Variants in GRK3 observed in about 807,000 individuals in gnomAD.
GRK3 encodes adrenergic, beta, receptor kinase 2.
A neutral mutation model predicts 95.7 loss-of-function variants in GRK3; 54 were observed. The observed-to-expected ratio is 0.56, with a 90% CI of 0.45 to 0.71. The LOEUF (loss-of-function observed/expected upper bound fraction) is 0.71, where lower values mean the gene tolerates loss of function less well. GRK3 is among the 30% of genes least tolerant of loss of function. The pLI is 0.00. For missense variants in GRK3, 649 were observed against 851.2 expected (o/e 0.76, Z 2.96); for synonymous variants, 281 against 290.8 (o/e 0.97, Z 0.34).
At chr22:25,682,219 G>A (rs754428628) in intron 9 of GRK3, among the ~76,000 whole-genome samples, 1 of 152,188 alleles carries the variant, frequency 6.6e-6, no homozygotes, top group African/African-American at 2.4e-5. Context: ...AGAGGTGACC[G>A]GATGTTTTAA....
chr22:25,681,488 G>C (rs1182451928), intron 9 of GRK3, among the ~76,000 whole-genome samples: 2 of 152,090 alleles, frequency 1.3e-5, no homozygotes, highest in Admixed American at 6.5e-5. Flanking sequence ...TGAGGGGCCA[G>C]GGTCTGCGGT....
intron 2 of GRK3, among the ~76,000 whole-genome samples, chr22:25,640,354 A>G (rs1377940365): frequency 6.6e-6 from 1 of 152,188 alleles, no homozygotes; most frequent in African/African-American, 2.4e-5. Flanking sequence ...ATTCCTTGTC[A>G]TAAATTATAT....
chr22:25,652,230 C>T (rs1465900423), intron 3 of GRK3, among the ~76,000 whole-genome samples: 4 of 152,040 alleles, frequency 2.6e-5, no homozygotes, highest in South Asian at 2.1e-4. Flanking sequence ...GTCAGGAGAC[C>T]GAGACCATCC....
chr22:25,701,496 G>A (rs1038172187), intron 13 of GRK3, among the ~76,000 whole-genome samples: 2 of 152,144 alleles, frequency 1.3e-5, no homozygotes, highest in Non-Finnish European at 2.9e-5. Context: ...ACATGGAATC[G>A]CTATATTTAT....
intron 9 of GRK3, among the ~76,000 whole-genome samples, chr22:25,681,431 G>A (rs573203551): frequency 6.6e-6 from 1 of 152,112 alleles, no homozygotes; most frequent in East Asian, 1.9e-4. Context: ...AGGAGCCAGT[G>A]CACGTGGCTC....
intron 1 of GRK3, among the ~76,000 whole-genome samples, chr22:25,577,875 A>G (rs1039070678): frequency 1.3e-5 from 2 of 152,232 alleles, no homozygotes; most frequent in Non-Finnish European, 2.9e-5. Flanking sequence ...ATATGGGCAT[A>G]GTCTACTCTA....
At chr22:25,645,711 A>T (rs957456093) in intron 3 of GRK3, among the ~76,000 whole-genome samples, 2 of 152,172 alleles carry the variant, frequency 1.3e-5, no homozygotes, top group Non-Finnish European at 2.9e-5. Flanking sequence ...TCACGAGGTC[A>T]GGAGATCGAG....
At chr22:25,649,549 C>T (rs1290045448) in intron 3 of GRK3, among the ~76,000 whole-genome samples, 3 of 152,118 alleles carry the variant, frequency 2.0e-5, no homozygotes, top group Non-Finnish European at 2.9e-5. Flanking sequence ...TTCTTTTCTT[C>T]CCCAAAGTCA....
At chr22:25,590,088 A>G (rs1932442656) in intron 1 of GRK3, among the ~76,000 whole-genome samples, 1 of 151,944 alleles carries the variant, frequency 6.6e-6, no homozygotes, top group Non-Finnish European at 1.5e-5. Context: ...TATCAAATAC[A>G]TAGCTAATTT....
intron 8 of GRK3, among the ~76,000 whole-genome samples, chr22:25,676,877 CTGTT>C (rs2085034283): frequency 6.6e-6 from 1 of 152,164 alleles, no homozygotes; most frequent in Non-Finnish European, 1.5e-5. Flanking sequence ...TCACTCATGT[CTGTT>C]CCTGTCACCA....
At chr22:25,632,139 G>C (rs2084668359) in intron 2 of GRK3, among the ~76,000 whole-genome samples, 1 of 152,180 alleles carries the variant, frequency 6.6e-6, no homozygotes, top group South Asian at 2.1e-4. Flanking sequence ...TTTCAAAGAG[G>C]CTTTACAAAT....
chr22:25,594,212 T>C (rs1352698077), intron 1 of GRK3, among the ~76,000 whole-genome samples: 1 of 152,232 alleles, frequency 6.6e-6, no homozygotes, highest in Non-Finnish European at 1.5e-5. Flanking sequence ...ATTTTTACAA[T>C]ATTGATTCTT....
chr22:25,687,487 G>C, intron 10 of GRK3, 50 bp from the exon 11 acceptor site: 1 of 1,596,910 alleles, frequency 6.3e-7, no homozygotes, highest in South Asian at 1.1e-5. Context: ...AATGATATTT[G>C]TTTCCTTTAA....
chr22:25,642,085 A>G (rs111645656), intron 2 of GRK3, among the ~76,000 whole-genome samples: 3,026 of 152,358 alleles, frequency 0.02, 47 homozygotes, highest in Non-Finnish European at 0.028. Flanking sequence ...AAAGATGAAC[A>G]AATCTACAAT....
chr22:25,620,007 TGTGTGTG>T (rs2084570856), intron 2 of GRK3, among the ~76,000 whole-genome samples: 1 of 34,538 alleles, frequency 2.9e-5, no homozygotes, highest in Non-Finnish European at 6.0e-5. Flanking sequence ...TTGTCTTTTT[TGTGTGTG>T]TGTGTGTGTG....
At chr22:25,569,516 GAGAC>G (rs1569147364) in intron 1 of GRK3, among the ~76,000 whole-genome samples, 1 of 152,206 alleles carries the variant, frequency 6.6e-6, no homozygotes. Flanking sequence ...TGGATTCTTA[GAGAC>G]AGCCTCTTAC....
At chr22:25,649,835 A>C (rs2084815461) in intron 3 of GRK3, among the ~76,000 whole-genome samples, 1 of 152,190 alleles carries the variant, frequency 6.6e-6, no homozygotes, top group South Asian at 2.1e-4. Flanking sequence ...TAGACCACAG[A>C]CGTGGAATTT....
chr22:25,587,918 C>T (rs1290159598), intron 1 of GRK3, among the ~76,000 whole-genome samples: 2 of 152,210 alleles, frequency 1.3e-5, no homozygotes, highest in Non-Finnish European at 2.9e-5. Flanking sequence ...CAATTAAACC[C>T]TGTTTCCTGG....
At chr22:25,716,896 G>A (rs978265634) in intron 18 of GRK3, among the ~76,000 whole-genome samples, 1 of 152,198 alleles carries the variant, frequency 6.6e-6, no homozygotes, top group Non-Finnish European at 1.5e-5. Context: ...TGAGATTCTC[G>A]TAGGATTGCA....
Sources: allele counts gnomAD v4.1 joint callset (sites outside exome capture counted in the v4.1 genomes callset), GRCh38; gene constraint gnomAD v4.1.1; transcripts MANE v1.5; gene names NCBI Gene and HGNC (gene_info 2026-07-23, HGNC 2026-07-21).